Variants in BCL7B observed in about 807,000 individuals in gnomAD.
BCL7B encodes the protein BAF chromatin remodeling complex subunit BCL7B.
In BCL7B, 11 loss-of-function variants were observed where a neutral mutation model predicts 26.5. The observed-to-expected ratio is 0.42, with a 90% CI of 0.26 to 0.69. The LOEUF (loss-of-function observed/expected upper bound fraction) is 0.69, where lower values mean the gene tolerates loss of function less well. Among genes scored for constraint, BCL7B ranks in the 30% least tolerant of loss-of-function variants. BCL7B has a pLI of 0.28. For missense variants in BCL7B, 215 were observed against 264.4 expected, an observed-to-expected ratio of 0.81 and a Z score of 1.30; for synonymous variants, 111 against 107.9, an observed-to-expected ratio of 1.03 and a Z score of -0.18.
chr7:73,551,247 C>T (rs577182982), intron 2 of BCL7B, among the ~76,000 whole-genome samples: 1 of 152,292 alleles, frequency 6.6e-6, no homozygotes, highest in South Asian at 2.1e-4. Flanking sequence ...AATTCAAAAG[C>T]ACCACAGACA....
chr7:73,556,294 G>A (rs1163705384), intron 1 of BCL7B, among the ~76,000 whole-genome samples: 2 of 152,136 alleles, frequency 1.3e-5, no homozygotes, highest in African/African-American at 4.8e-5. Flanking sequence ...GAGGTAAAGG[G>A]ATGGGAGGAG....
intron 1 of BCL7B, among the ~76,000 whole-genome samples, chr7:73,554,703 CG>C (rs1447715533): frequency 1.3e-5 from 2 of 150,190 alleles, no homozygotes; most frequent in African/African-American, 2.5e-5. Context: ...GAGGCTGAGG[CG>C]GAAGAACTGC....
At chr7:73,551,126 T>C (rs565451220) in intron 2 of BCL7B, among the ~76,000 whole-genome samples, 1 of 152,332 alleles carries the variant, frequency 6.6e-6, no homozygotes, top group African/African-American at 2.4e-5. Context: ...AGTGGGGGAC[T>C]AATCGCATAA....
intron 1 of BCL7B, among the ~76,000 whole-genome samples, chr7:73,555,549 C>T (rs948125389): frequency 6.6e-6 from 1 of 151,966 alleles, no homozygotes; most frequent in Non-Finnish European, 1.5e-5. Flanking sequence ...GGAGTTAACT[C>T]GGCAAGAGGG....
In BCL7B at chr7:73,540,852, AAAAG is replaced by A. The variant is rs1274890684; in HGVS notation, c.266-804_266-801del. Among the ~76,000 whole-genome samples the A allele has an allele frequency of 3.5e-5, 5 of 140,920 alleles. No homozygotes were observed. The East Asian group carries it at 1.1e-3, about 30-fold the overall frequency. 92.4% of individuals were successfully genotyped at this position (140,920 alleles called of 152,430 possible). A position where few individuals can be genotyped will look rare whatever the true frequency, so the allele number is the denominator to read the frequency against. On this transcript the variant is annotated intron_variant, in intron 3 of 5. Transcript: ENST00000223368. ...CTCAAAAAAAAAAAAAAAAAAAAAA[AAAAG>A]AGTTACCAGGCCGAGTGCAGTGGCT...
At position 73,539,984 on chromosome 7, in the gene BCL7B, T is replaced by A; in HGVS notation, c.334A>T (p.Ser112Cys). Residue 112 changes from serine to cysteine, a missense_variant, in exon 4 of 6, where the codon AGC becomes TGC. Ser to Cys is a moderately radical substitution (Grantham distance 112). Coordinates refer to ENST00000223368, the MANE Select transcript of BCL7B (RefSeq NM_001707.4). ...QLKVDSSTNS[S>C]PSPQQSESLS... The stretch of plus-strand genomic sequence containing the variant: ...GACTCACTCTGCTGGGGGCTGGGGC[T>A]TGAGTTGGTGCTGCTGTCCACCTTA... The A allele has an allele frequency of 6.2e-7, 1 of 1,614,112 alleles. No individual in the cohort carries two copies.
rs1791542273 is a variant in BCL7B, at chr7:73,536,715, G to A, written c.*583C>T. ...ACAAAGGGCTGTCAGCAGCTAGGGT[G>A]CCCGTGAGAGGTAGGACCACCTCAG... is the stretch of plus-strand genomic sequence containing the variant. On this transcript the variant is annotated 3_prime_UTR_variant, in exon 6 of 6. Transcript: ENST00000223368. The A allele has an allele frequency of 6.5e-6, 1 of 152,884 alleles. No homozygotes were observed. Among genetic ancestry groups the A allele is most frequent in the Non-Finnish European group, 1.5e-5 (1 of 68,526 alleles). 9.5% of individuals were successfully genotyped at this position (152,884 alleles called of 1,614,324 possible). A position where few individuals can be genotyped will look rare whatever the true frequency, so the allele number is the denominator to read the frequency against.
intron 1 of BCL7B, chr7:73,557,256 G>C (rs1326872878): frequency 1.8e-6 from 2 of 1,114,672 alleles, no homozygotes; most frequent in East Asian, 4.8e-5. Context: ...GGCGGCGCGC[G>C]GCAGCAGCCG....
At chr7:73,539,265 T>C (rs1192267827) in intron 4 of BCL7B, among the ~76,000 whole-genome samples, 3 of 151,448 alleles carry the variant, frequency 2.0e-5, no homozygotes, top group African/African-American at 7.3e-5. Context: ...AGGTCTTTTT[T>C]TTTTGAGATG....
intron 2 of BCL7B, among the ~76,000 whole-genome samples, chr7:73,548,602 T>C (rs1273613638): frequency 1.3e-5 from 2 of 151,106 alleles, no homozygotes; most frequent in Non-Finnish European, 3.0e-5. Flanking sequence ...GGGCGACAGA[T>C]TGAAACCGTG....
chr7:73,549,200 G>A (rs1251648506), intron 2 of BCL7B, among the ~76,000 whole-genome samples: 1 of 152,136 alleles, frequency 6.6e-6, no homozygotes, highest in African/African-American at 2.4e-5. Flanking sequence ...AATATCTACA[G>A]GAGAACCAGA....
intron 3 of BCL7B, among the ~76,000 whole-genome samples, chr7:73,543,274 T>C (rs2115761399): frequency 6.6e-6 from 1 of 151,956 alleles, no homozygotes; most frequent in South Asian, 2.1e-4. Flanking sequence ...CCTCCTGGGT[T>C]TAAGCGATTC....
rs373582004 is a variant in BCL7B, at chr7:73,537,289, G to A, written c.*9C>T. On this transcript the variant is annotated 3_prime_UTR_variant, in exon 6 of 6. Transcript: ENST00000223368. ...AGGCAGGGCCAGGAGGCGGAGGGCC[G>A]GGATGGTGCTAGCTTTCTGACGCCG... 6.4e-5 allele frequency: 104 copies of A among 1,613,544 alleles called. No individual in the cohort carries two copies. The East Asian group carries it at 6.7e-4, about 10-fold the overall frequency.
intron 2 of BCL7B, 83 bp downstream of exon 2, chr7:73,552,084 C>T: frequency 2.5e-6 from 3 of 1,178,924 alleles, no homozygotes; most frequent in Admixed American, 4.1e-5. Context: ...CACAGCGAGA[C>T]TCCGTCCCAA....
chr7:73,538,815 TAAAAA>T (rs1159395373), intron 4 of BCL7B, among the ~76,000 whole-genome samples: 18 of 94,564 alleles, frequency 1.9e-4, no homozygotes, highest in Non-Finnish European at 3.2e-4. Flanking sequence ...CCTATCTCTT[TAAAAA>T]AAAAAAAAAA....
intron 1 of BCL7B, 146 bp downstream of exon 1, chr7:73,557,341 G>T: frequency 8.5e-7 from 1 of 1,177,632 alleles, no homozygotes; most frequent in Non-Finnish European, 1.1e-6. Flanking sequence ...ACCTCACGCC[G>T]ACGCCAGCGG....
At chr7:73,557,238 C>T (rs1489862521) in intron 1 of BCL7B, 2 of 1,092,956 alleles carry the variant, frequency 1.8e-6, no homozygotes, top group Non-Finnish European at 2.2e-6. Context: ...AGCCGGAATC[C>T]CCTCCCAGGC....
At chr7:73,557,147 C>T (rs1380455757) in intron 1 of BCL7B, 2 of 1,008,262 alleles carry the variant, frequency 2.0e-6, no homozygotes, top group Non-Finnish European at 2.4e-6. Flanking sequence ...GGCGGGGCCA[C>T]TGCCCAGGAA....
intron 1 of BCL7B, 107 bp downstream of exon 1, chr7:73,557,380 C>T: frequency 5.1e-6 from 6 of 1,180,816 alleles, no homozygotes; most frequent in Non-Finnish European, 6.4e-6. Context: ...TCCCGCACCC[C>T]CCTCCCCCAG....
Sources: allele counts gnomAD v4.1 joint callset (sites outside exome capture counted in the v4.1 genomes callset), GRCh38; gene constraint gnomAD v4.1.1; transcripts MANE v1.5; gene names NCBI Gene and HGNC (gene_info 2026-07-23, HGNC 2026-07-21).